Variants in TMF1 observed in about 807,000 individuals in gnomAD.
The protein encoded by TMF1 is TATA element modulatory factor.
In TMF1, 71 loss-of-function variants were observed where a neutral mutation model predicts 126.5. The observed-to-expected ratio is 0.56, with a 90% confidence interval of 0.46 to 0.68. TMF1 has a LOEUF of 0.68. TMF1 is among the 30% of genes least tolerant of loss of function. TMF1 has a pLI of 0.00. For missense variants in TMF1, 1,259 were observed against 1,253.2 expected, an observed-to-expected ratio of 1.00 and a Z score of -0.07; for synonymous variants, 461 against 430.5, an observed-to-expected ratio of 1.07 and a Z score of -0.88.
intron 5 of TMF1, among the ~76,000 whole-genome samples, chr3:69,041,032 T>A (rs1313596915): frequency 6.6e-6 from 1 of 152,186 alleles, no homozygotes; most frequent in Non-Finnish European, 1.5e-5. Flanking sequence ...ATTGCTCTAT[T>A]TTCTCTGTAA....
rs1175944143 is a variant in TMF1 at position 69,024,079 on chromosome 3, T to G, written c.3114A>C (p.Ile1038=). ...NDELEEKVKE[I]PKLRTQLRDL... is the part of the protein sequence containing the mutation. ...CTCTTAGCTGAGTTCTAAGTTTGGG[T>G]ATCTCCTTCACCTTCTCTTCAAGTT... Residue 1038 remains isoleucine, a synonymous_variant, in exon 16 of 17, where the codon ATA becomes ATC. Coordinates refer to ENST00000398559, the MANE Select transcript of TMF1 (RefSeq NM_007114.3). The G allele has an allele frequency of 6.2e-7, 1 of 1,608,438 alleles. No individual in the cohort carries two copies. Among genetic ancestry groups the G allele is most frequent in the Non-Finnish European group, 8.5e-7 (1 of 1,178,162 alleles).
Position 69,024,123 on chromosome 3 carries a change from A to T in TMF1, c.3070T>A (p.Leu1024Ile). 6.2e-7 allele frequency: 1 copy of T among 1,610,638 alleles called. No individual in the cohort carries two copies. Residue 1024 changes from leucine to isoleucine, a missense_variant, in exon 16 of 17, where the codon TTA becomes ATA. Transcript: ENST00000398559. ...RSIMAEELVKLTNQNDELEEK... is the reference protein window; with the variant it reads ...RSIMAEELVKITNQNDELEEK... ...TCAAGTTCATCATTTTGATTTGTTA[A>T]TTTAACTAGTTCTTCAGCCATTATT...
Position 69,028,001 on chromosome 3 carries a change from G to A in TMF1, c.2665-9C>T. 2 of 1,475,558 alleles carry A rather than the reference G, an allele frequency of 1.4e-6. No homozygotes were observed. The highest frequency in any genetic ancestry group is 1.9e-6 in the Non-Finnish European group (2 of 1,063,476). 91.4% of individuals were successfully genotyped at this position (1,475,558 alleles called of 1,614,324 possible). On this transcript the variant is annotated splice_polypyrimidine_tract_variant and intron_variant, in intron 12 of 16. Transcript: ENST00000398559. ...TGACTATTCAACAATGTCTAATAGA[G>A]AGAAATAAAGTTAGACAATTTCTGT... is the stretch of plus-strand genomic sequence containing the variant.
Position 69,052,256 on chromosome 3 carries a change from G to A in TMF1, c.-170C>T, listed in dbSNP as rs891975053. On this transcript the variant is annotated 5_prime_UTR_variant, in exon 1 of 17. The change creates a new upstream start codon in the 5' untranslated region. Transcript: ENST00000398559. ...CGAGCCCGGGATGTTACCCTCGGCC[G>A]TTCCCGCACAGCTGAGACGAAGGGG... 2.3e-5 allele frequency: 15 copies of A among 665,920 alleles called. No homozygotes were observed. The highest frequency in any genetic ancestry group is 3.7e-5 in the African/African-American group (2 of 53,650). The allele number at this position is 665,920 out of a possible 1,614,324, so 41.3% of individuals were successfully genotyped here.
At chr3:69,023,634 G>T (rs1357483022) in intron 16 of TMF1, among the ~76,000 whole-genome samples, 2 of 152,014 alleles carry the variant, frequency 1.3e-5, no homozygotes, top group Non-Finnish European at 2.9e-5. Flanking sequence ...TTTGTTCCAT[G>T]GTGGTATAAG....
Position 69,043,510 on chromosome 3 carries a change from T to C in TMF1, c.1578+240A>G, listed in dbSNP as rs2091878816. ...TTAGTAGAGGCAGGGTCTCACCATG[T>C]TACCCAGGCTGCTCTCTAACTCCTG... On this transcript the variant is annotated intron_variant, in intron 4 of 16. Transcript: ENST00000398559. Among the ~76,000 whole-genome samples, 3 of 152,134 alleles carry C rather than the reference T, an allele frequency of 2.0e-5. No individual in the cohort carries two copies. The South Asian group carries it at 6.2e-4, about 31-fold the overall frequency.
intron 1 of TMF1, among the ~76,000 whole-genome samples, chr3:69,051,336 G>A (rs528510786): frequency 4.6e-5 from 7 of 152,200 alleles, no homozygotes; most frequent in African/African-American, 1.7e-4. Flanking sequence ...GTTGCCGGGC[G>A]TGGTGGTGGG....
Position 69,047,396 on chromosome 3 carries a change from G to A in TMF1, c.1309C>T (p.Gln437Ter). The A allele has an allele frequency of 6.2e-7, 1 of 1,603,154 alleles. No homozygotes were observed. The highest frequency in any genetic ancestry group is 8.5e-7 in the Non-Finnish European group (1 of 1,174,092). ...TCCTTCTCAGAAAGTGCTTCTGGCT[G>A]ACTTTCAGCAGGTTCACACTGCTCA... Reference protein sequence around the residue: ...VAEQCEPAESQPEALSEKEDV... With the variant: ...VAEQCEPAES The change falls in exon 2 of 17, where the codon CAG becomes TAG. Residue 437 changes from glutamine (Q) to a stop codon, truncating the protein, a stop_gained. Transcript: ENST00000398559. LOFTEE classifies it high-confidence loss of function.
chr3:69,050,301 A>G (rs1215862835), intron 1 of TMF1, among the ~76,000 whole-genome samples: 1 of 151,790 alleles, frequency 6.6e-6, no homozygotes, highest in East Asian at 1.9e-4. Context: ...ATATATGTAA[A>G]TATATGTATG....
At chr3:69,025,531 T>G in intron 15 of TMF1, 29 bp downstream of exon 15, 1 of 1,592,108 alleles carries the variant, frequency 6.3e-7, no homozygotes, top group Non-Finnish European at 8.6e-7. Context: ...CTTCATTTAC[T>G]TCTATAGCAA....
intron 8 of TMF1, among the ~76,000 whole-genome samples, chr3:69,037,716 G>A (rs1413437058): frequency 6.6e-6 from 1 of 152,088 alleles, no homozygotes; most frequent in East Asian, 1.9e-4. Context: ...TGAGGCAGAA[G>A]AATTGCTTGA....
chr3:69,047,630 T>A lies in TMF1; in HGVS notation c.1075A>T (p.Ile359Leu). The A allele has an allele frequency of 6.2e-7, 1 of 1,614,152 alleles. No homozygotes were observed. ...SGKGYALVPI[I>L]VNSSTPKSKT... ...GACTTTGGAGTTGAAGAATTAACTA[T>A]AATAGGCACTAAAGCATATCCCTTG... Residue 359 changes from isoleucine to leucine, a missense_variant, in exon 2 of 17, where the codon ATA becomes TTA. Physicochemically the swap from Ile to Leu is conservative, Grantham distance 5. Transcript: ENST00000398559.
intron 10 of TMF1, among the ~76,000 whole-genome samples, chr3:69,033,330 A>G (rs1393860894): frequency 1.3e-5 from 2 of 151,886 alleles, no homozygotes. Context: ...TACTTTAGCC[A>G]GTATCTGATA....
Position 69,022,062 on chromosome 3 carries a change from T to C in TMF1, c.*1115A>G, listed in dbSNP as rs1319057373. On this transcript the variant is annotated 3_prime_UTR_variant, in exon 17 of 17. Coordinates refer to ENST00000398559, the MANE Select transcript of TMF1 (RefSeq NM_007114.3). ...AAAATGCATCACAATATTTCACAGG[T>C]TTAAAACACAACCTGGTTACCTTTT... 2.6e-5 allele frequency: 4 copies of C among 152,636 alleles called. No homozygotes were observed. Among genetic ancestry groups the C allele is most frequent in the African/African-American group, 4.8e-5 (2 of 41,460 alleles). 9.5% of individuals were successfully genotyped at this position (152,636 alleles called of 1,614,324 possible).
At chr3:69,042,519 G>C (rs1218721247) in intron 5 of TMF1, 6 of 535,740 alleles carry the variant, frequency 1.1e-5, no homozygotes, top group Non-Finnish European at 2.1e-5. Flanking sequence ...TTAAATGACA[G>C]GCTCTTAAGA....
chr3:69,033,798 T>C, intron 9 of TMF1, 94 bp from the exon 10 acceptor site: 1 of 1,161,158 alleles, frequency 8.6e-7, no homozygotes, highest in East Asian at 2.5e-5. Flanking sequence ...CCTGGAAAAT[T>C]ATTTTTCCAA....
At chr3:69,033,851 A>C in intron 9 of TMF1, 147 bp from the exon 10 acceptor site, 1 of 754,748 alleles carries the variant, frequency 1.3e-6, no homozygotes, top group Non-Finnish European at 2.0e-6. Flanking sequence ...TAATTTTAGA[A>C]ACGGGGTCCC....
rs1006280408 is a variant in TMF1, at chr3:69,021,867, G to A, written c.*1310C>T. 6.6e-6 allele frequency: 1 copy of A among 152,170 alleles called. No homozygotes were observed. Among genetic ancestry groups the A allele is most frequent in the Non-Finnish European group, 1.5e-5 (1 of 68,084 alleles). 9.4% of individuals were successfully genotyped at this position (152,170 alleles called of 1,614,324 possible). A position where few individuals can be genotyped will look rare whatever the true frequency, so the allele number is the denominator to read the frequency against. On this transcript the variant is annotated 3_prime_UTR_variant, in exon 17 of 17. Coordinates refer to ENST00000398559, the MANE Select transcript of TMF1 (RefSeq NM_007114.3). ...GGCTAATTTTTGTATTTTTAGTAGA[G>A]ATGGGGTTTCACCAAACTGCTGGCC...
At chr3:69,039,526 G>C in intron 6 of TMF1, 25 bp downstream of exon 6, 1 of 1,602,806 alleles carries the variant, frequency 6.2e-7, no homozygotes, top group Non-Finnish European at 8.5e-7. Context: ...CAATATATAT[G>C]TAGAGAATTA....
Sources: allele counts gnomAD v4.1 joint callset (sites outside exome capture counted in the v4.1 genomes callset), GRCh38; gene constraint gnomAD v4.1.1; transcripts MANE v1.5; gene names NCBI Gene and HGNC (gene_info 2026-07-23, HGNC 2026-07-21).